RALYL: variants seen among roughly 807,000 people sequenced by gnomAD.
The protein encoded by RALYL is RNA-binding Raly-like protein.
Under a neutral mutation model 35.1 loss-of-function variants are expected in RALYL, and 29 were observed. The ratio of observed to expected loss-of-function variants is 0.83; its 90% CI spans 0.61 to 1.13. The LOEUF (loss-of-function observed/expected upper bound fraction) is 1.13. Among genes scored for constraint, RALYL ranks in the 50% most tolerant of loss-of-function variants. RALYL has a pLI of 0.00. For synonymous variants in RALYL, 120 were observed against 127.6 expected (o/e 0.94, Z 0.40); for missense variants, 359 against 360.4 (o/e 1.00, Z 0.03).
intron 2 of RALYL, among the ~76,000 whole-genome samples, chr8:84,763,535 A>G (rs550682611): frequency 1.3e-3 from 200 of 152,296 alleles, no homozygotes; most frequent in African/African-American, 4.6e-3. Context: ...ATCACTGAGC[A>G]TATTTGTCAA....
chr8:84,622,111 T>C (rs985603390), intron 2 of RALYL, among the ~76,000 whole-genome samples: 9 of 152,156 alleles, frequency 5.9e-5, no homozygotes, highest in African/African-American at 1.7e-4. Flanking sequence ...AGTTATAGAA[T>C]TGAGAAGGAA....
At chr8:84,701,047 G>A (rs1181225810) in intron 2 of RALYL, among the ~76,000 whole-genome samples, 1 of 152,176 alleles carries the variant, frequency 6.6e-6, no homozygotes, top group Non-Finnish European at 1.5e-5. Context: ...AGGGGCAGCT[G>A]ATAAGATAAG....
At chr8:84,383,431 G>T (rs557321792) in intron 1 of RALYL, among the ~76,000 whole-genome samples, 14 of 151,746 alleles carry the variant, frequency 9.2e-5, no homozygotes, top group Admixed American at 2.6e-4. Context: ...GAGGGCTTGA[G>T]AAAGGAAAGA....
chr8:84,733,131 C>T (rs914855095), intron 2 of RALYL, among the ~76,000 whole-genome samples: 1 of 152,088 alleles, frequency 6.6e-6, no homozygotes, highest in Non-Finnish European at 1.5e-5. Flanking sequence ...ATTAAATTCC[C>T]TTTTTCCTGT....
chr8:84,672,659 G>A (rs889682044), intron 2 of RALYL, among the ~76,000 whole-genome samples: 1 of 152,146 alleles, frequency 6.6e-6, no homozygotes, highest in African/African-American at 2.4e-5. Context: ...GGAGGAGCAA[G>A]GGCACATCTT....
chr8:84,399,432 T>C (rs2042675801), intron 1 of RALYL, among the ~76,000 whole-genome samples: 2 of 152,214 alleles, frequency 1.3e-5, no homozygotes, highest in Admixed American at 6.5e-5. Context: ...CATAGATTTA[T>C]GAAGTTGCCT....
chr8:84,793,955 T>G (rs991490418), intron 3 of RALYL, among the ~76,000 whole-genome samples: 1 of 152,218 alleles, frequency 6.6e-6, no homozygotes, highest in Non-Finnish European at 1.5e-5. Flanking sequence ...ACCAAGTCTA[T>G]GTCAGACATT....
intron 2 of RALYL, among the ~76,000 whole-genome samples, chr8:84,667,295 C>T (rs1832279303): frequency 6.6e-6 from 1 of 151,934 alleles, no homozygotes; most frequent in Non-Finnish European, 1.5e-5. Context: ...TTGAGTACTT[C>T]CATCAAGAGA....
At chr8:84,868,197 TTTA>T (rs1839529136) in intron 6 of RALYL, among the ~76,000 whole-genome samples, 1 of 152,116 alleles carries the variant, frequency 6.6e-6, no homozygotes, top group Non-Finnish European at 1.5e-5. Context: ...AAGCAATCTT[TTTA>T]AAGAACACTT....
chr8:84,332,193 C>A (rs1336425585), intron 1 of RALYL, among the ~76,000 whole-genome samples: 1 of 152,048 alleles, frequency 6.6e-6, no homozygotes, highest in African/African-American at 2.4e-5. Context: ...AAGAGAAGGG[C>A]ATTTTACTAA....
In RALYL at chr8:84,529,385, C is replaced by T; in HGVS notation, c.64C>T (p.Arg22Cys). 6.2e-7 allele frequency: 1 copy of T among 1,609,596 alleles called. No individual in the cohort carries two copies. The highest frequency in any genetic ancestry group is 8.5e-7 in the Non-Finnish European group (1 of 1,177,728). ...GAATGACCCCAAGTCCATCAACTCCCGTGTTTTCATCGGCAATCTAAATAC... is the reference window on the plus strand; with the variant it reads ...GAATGACCCCAAGTCCATCAACTCCTGTGTTTTCATCGGCAATCTAAATAC... The part of the protein sequence containing the change: ...NKNDPKSINS[R>C]VFIGNLNTAI... The change falls in exon 2 of 9, where the codon CGT (arginine) becomes TGT (cysteine). Residue 22 changes from arginine to cysteine, a missense_variant. By Grantham distance (180) the Arg-to-Cys change is radical. Transcript: ENST00000521268.
At chr8:84,321,513 T>C (rs939858812) in intron 1 of RALYL, among the ~76,000 whole-genome samples, 5 of 152,112 alleles carry the variant, frequency 3.3e-5, no homozygotes, top group Non-Finnish European at 7.4e-5. Context: ...TGGGGCTACA[T>C]TGTTGGTGGG....
At chr8:84,499,965 A>G (rs762752698) in intron 1 of RALYL, among the ~76,000 whole-genome samples, 1 of 152,010 alleles carries the variant, frequency 6.6e-6, no homozygotes, top group Non-Finnish European at 1.5e-5. Context: ...TATGTTGTCT[A>G]TGGCTAGTCT....
intron 1 of RALYL, among the ~76,000 whole-genome samples, chr8:84,342,690 A>G (rs1849085912): frequency 6.6e-6 from 1 of 152,004 alleles, no homozygotes; most frequent in East Asian, 1.9e-4. Flanking sequence ...GATTAATATC[A>G]TGTCACTTCT....
chr8:84,236,883 GT>G (rs2131512469), intron 1 of RALYL, among the ~76,000 whole-genome samples: 1 of 152,200 alleles, frequency 6.6e-6, no homozygotes, highest in Non-Finnish European at 1.5e-5. Flanking sequence ...TTCAATAAAA[GT>G]TTATTAAGCT....
At chr8:84,581,969 G>C (rs377754291) in intron 2 of RALYL, among the ~76,000 whole-genome samples, 1 of 151,998 alleles carries the variant, frequency 6.6e-6, no homozygotes, top group Non-Finnish European at 1.5e-5. Context: ...TTTGTGTTCT[G>C]GAAATAGTCT....
rs546586973 is a variant in RALYL at position 84,362,841 on chromosome 8, A to T, written c.-23-166458A>T. Among the ~76,000 whole-genome samples the T allele has an allele frequency of 2.7e-3, 407 of 152,216 alleles. 1 individual carries two copies. The highest frequency in any genetic ancestry group is 4.9e-3 in the Non-Finnish European group (331 of 67,998). Reference sequence around the variant, plus strand: ...GAATATATTGAAGGCTTTCTTATTTAAAAAAATTATAATTTGAGTAGAAAA... The same window carrying T: ...GAATATATTGAAGGCTTTCTTATTTTAAAAAATTATAATTTGAGTAGAAAA... On this transcript the variant is annotated intron_variant, in intron 1 of 8. Coordinates refer to ENST00000521268, the MANE Select transcript of RALYL (RefSeq NM_173848.7).
intron 2 of RALYL, among the ~76,000 whole-genome samples, chr8:84,756,936 T>G (rs1406789765): frequency 6.6e-6 from 1 of 152,124 alleles, no homozygotes; most frequent in Non-Finnish European, 1.5e-5. Context: ...ATTTCTTACT[T>G]GATTTAGAGA....
At chr8:84,296,707 T>C (rs1289793211) in intron 1 of RALYL, among the ~76,000 whole-genome samples, 2 of 148,972 alleles carry the variant, frequency 1.3e-5, no homozygotes, top group Non-Finnish European at 3.0e-5. Context: ...TGCTCCAAGG[T>C]TACTTGGTTT....
Sources: gnomAD v4.1 joint callset for allele counts (sites outside exome capture counted in the v4.1 genomes callset) on GRCh38, gnomAD v4.1.1 for gene constraint, MANE v1.5 for transcripts, NCBI Gene and HGNC (gene_info 2026-07-23, HGNC 2026-07-21) for gene names.